NCALD: variants seen among roughly 807,000 people sequenced by gnomAD.
NCALD encodes neurocalcin delta, also known as neurocalcin-delta.
NCALD carries 10 observed loss-of-function variants against 18.6 expected under a neutral mutation model. The observed-to-expected ratio is 0.54, with a 90% CI of 0.33 to 0.91. The LOEUF (loss-of-function observed/expected upper bound fraction) is 0.91, where lower values mean the gene tolerates loss of function less well. Among genes scored for constraint, NCALD ranks in the 40% least tolerant of loss-of-function variants. The pLI, the probability that NCALD is intolerant of heterozygous loss-of-function variation, is 0.03. For missense variants in NCALD, 184 were observed against 247.6 expected, an observed-to-expected ratio of 0.74 and a Z score of 1.72; for synonymous variants, 88 against 87.4, an observed-to-expected ratio of 1.01 and a Z score of -0.04.
intron 4 of NCALD, among the ~76,000 whole-genome samples, chr8:101,881,929 G>A (rs1430746673): frequency 6.6e-6 from 1 of 152,110 alleles, no homozygotes; most frequent in African/African-American, 2.4e-5. Context: ...ACAATACAAG[G>A]CTAAAACAGA....
At chr8:101,782,908 T>C (rs1032417517) in intron 1 of NCALD, among the ~76,000 whole-genome samples, 2 of 152,230 alleles carry the variant, frequency 1.3e-5, no homozygotes, top group Non-Finnish European at 2.9e-5. Flanking sequence ...CAAATGCAGA[T>C]GCCATCCAGC....
chr8:102,088,824 T>C (rs1313698644), intron 1 of NCALD, among the ~76,000 whole-genome samples: 1 of 152,280 alleles, frequency 6.6e-6, no homozygotes, highest in Non-Finnish European at 1.5e-5. Context: ...GGCTTTGTTC[T>C]GTTTTGCATT....
chr8:101,755,335 G>T (rs1428149605), intron 1 of NCALD, among the ~76,000 whole-genome samples: 1 of 152,078 alleles, frequency 6.6e-6, no homozygotes, highest in African/African-American at 2.4e-5. Flanking sequence ...TTCCCGTTTG[G>T]ACAATCAATT....
chr8:101,987,743 C>T (rs995085449), intron 2 of NCALD, among the ~76,000 whole-genome samples: 6 of 152,138 alleles, frequency 3.9e-5, no homozygotes, highest in African/African-American at 1.4e-4. Context: ...CTTGTCAAAA[C>T]ACGCCTTTTC....
chr8:101,948,016 T>C (rs748508467), intron 2 of NCALD, among the ~76,000 whole-genome samples: 5 of 152,234 alleles, frequency 3.3e-5, no homozygotes, highest in African/African-American at 4.8e-5. Context: ...TTATGGCCAG[T>C]CTTGGAAGCC....
chr8:101,700,283 C>T (rs937923948), intron 2 of NCALD, among the ~76,000 whole-genome samples: 2 of 152,028 alleles, frequency 1.3e-5, no homozygotes, highest in African/African-American at 2.4e-5. Flanking sequence ...AAGCTGGTCT[C>T]GAACTCCTGG....
intron 2 of NCALD, among the ~76,000 whole-genome samples, chr8:101,927,316 C>T (rs116205055): frequency 9.8e-4 from 149 of 152,284 alleles, no homozygotes; most frequent in African/African-American, 3.3e-3. Flanking sequence ...TCTGGTGGAG[C>T]GTACAGTCTA....
At chr8:101,891,571 C>A (rs1022486423) in intron 3 of NCALD, among the ~76,000 whole-genome samples, 2 of 152,208 alleles carry the variant, frequency 1.3e-5, no homozygotes, top group African/African-American at 4.8e-5. Context: ...ACGCAGAAGA[C>A]GGGTGATTTC....
intron 2 of NCALD, among the ~76,000 whole-genome samples, chr8:101,714,461 A>T (rs1206422339): frequency 6.6e-6 from 1 of 152,196 alleles, no homozygotes; most frequent in East Asian, 1.9e-4. Context: ...CTTCAAGGAG[A>T]ACTACAAACC....
chr8:101,717,582 C>T (rs1490804838), intron 2 of NCALD, among the ~76,000 whole-genome samples: 2 of 152,214 alleles, frequency 1.3e-5, no homozygotes, highest in Non-Finnish European at 2.9e-5. Context: ...TTGCCCCCAA[C>T]TCATCACTTT....
intron 2 of NCALD, among the ~76,000 whole-genome samples, chr8:101,979,795 G>A (rs902641068): frequency 2.6e-5 from 4 of 152,174 alleles, no homozygotes; most frequent in Non-Finnish European, 1.5e-5. Flanking sequence ...AATCCCTATC[G>A]ACAGTGTTAA....
At chr8:102,011,301 C>T (rs1180557039) in intron 2 of NCALD, among the ~76,000 whole-genome samples, 1 of 152,172 alleles carries the variant, frequency 6.6e-6, no homozygotes, top group Admixed American at 6.5e-5. Context: ...TATTCTTCTC[C>T]TCTTATCTTT....
At position 101,807,371 on chromosome 8, in the gene NCALD, C is replaced by G. The variant is rs141052747; in HGVS notation, c.-20+79770G>C. Among the ~76,000 whole-genome samples, 222 of 152,014 alleles carry G rather than the reference C, an allele frequency of 1.5e-3. 1 individual carries two copies. Among genetic ancestry groups the G allele is most frequent in the African/African-American group, 5.1e-3 (213 of 41,438 alleles). On this transcript the variant is annotated intron_variant, in intron 4 of 6. Coordinates refer to the NCALD transcript ENST00000311028. ...AATATTGTTGTAAAATATTCAACAA[C>G]AACAGCACAAAGGAAAAGGGGGAAG...
At chr8:102,115,470 A>G (rs1475115934) in intron 1 of NCALD, among the ~76,000 whole-genome samples, 1 of 152,224 alleles carries the variant, frequency 6.6e-6, no homozygotes, top group Non-Finnish European at 1.5e-5. Context: ...CGATCAATGC[A>G]GACAATAAAA....
At chr8:102,073,381 C>T (rs1272139966) in intron 1 of NCALD, among the ~76,000 whole-genome samples, 3 of 152,086 alleles carry the variant, frequency 2.0e-5, no homozygotes, top group Non-Finnish European at 4.4e-5. Flanking sequence ...CACAATAAAT[C>T]TCGTCTTTAA....
intron 4 of NCALD, among the ~76,000 whole-genome samples, chr8:101,829,604 G>A (rs905390301): frequency 4.6e-5 from 7 of 152,116 alleles, no homozygotes; most frequent in Non-Finnish European, 7.3e-5. Context: ...TTTAATTAAA[G>A]AAGTAATTTA....
chr8:102,001,160 C>T (rs1406014233), intron 2 of NCALD, among the ~76,000 whole-genome samples: 1 of 152,234 alleles, frequency 6.6e-6, no homozygotes, highest in East Asian at 1.9e-4. Flanking sequence ...ACTAGAATAA[C>T]CAATGCAGAG....
intron 2 of NCALD, chr8:101,694,262 G>C (rs143138399): frequency 1.6e-4 from 25 of 152,408 alleles, no homozygotes; most frequent in African/African-American, 6.0e-4. Flanking sequence ...GCAGAGGACA[G>C]AGAAAGGAAA....
intron 2 of NCALD, among the ~76,000 whole-genome samples, chr8:101,940,685 G>A (rs556057511): frequency 4.6e-4 from 70 of 152,260 alleles, no homozygotes; most frequent in African/African-American, 1.7e-3. Flanking sequence ...AACCCAGAAG[G>A]AGACAAGCTC....
Sources: allele counts gnomAD v4.1 joint callset (sites outside exome capture counted in the v4.1 genomes callset), GRCh38; gene constraint gnomAD v4.1.1; transcripts MANE v1.5; gene names NCBI Gene and HGNC (gene_info 2026-07-23, HGNC 2026-07-21).